The following ADGRB3 variants were observed in gnomAD, a reference collection of about 807,000 sequenced individuals.
ADGRB3 encodes the protein brain-specific angiogenesis inhibitor 3.
Under a neutral mutation model 193.4 loss-of-function variants are expected in ADGRB3, and 37 were observed. The ratio of observed to expected loss-of-function variants is 0.19; its 90% CI spans 0.15 to 0.25. The LOEUF (loss-of-function observed/expected upper bound fraction) is 0.25. ADGRB3 is among the 10% of genes least tolerant of loss of function. The pLI is 1.00. For synonymous variants in ADGRB3, 690 were observed against 644.2 expected (o/e 1.07, Z -1.08); for missense variants, 1,637 against 1,852.9 (o/e 0.88, Z 2.14).
chr6:69,009,362 G>T (rs147632751), intron 11 of ADGRB3, among the ~76,000 whole-genome samples: 1 of 152,070 alleles, frequency 6.6e-6, no homozygotes, highest in Admixed American at 6.6e-5. Flanking sequence ...TGTAAATCTG[G>T]ACATAAAGGA....
chr6:68,913,434 G>C (rs1004538442), intron 3 of ADGRB3, among the ~76,000 whole-genome samples: 1 of 152,196 alleles, frequency 6.6e-6, no homozygotes, highest in Non-Finnish European at 1.5e-5. Context: ...GGCAGACAGG[G>C]TCTGGAGTGG....
intron 31 of ADGRB3, 123 bp downstream of exon 31, chr6:69,383,058 GC>G: frequency 1.9e-6 from 1 of 526,760 alleles, no homozygotes; most frequent in Non-Finnish European, 3.1e-6. Flanking sequence ...AAAAGTATAA[GC>G]CCCCAAAACA....
intron 17 of ADGRB3, among the ~76,000 whole-genome samples, chr6:69,109,753 G>A (rs1773315932): frequency 6.6e-6 from 1 of 152,042 alleles, no homozygotes; most frequent in Non-Finnish European, 1.5e-5. Flanking sequence ...CAATGGAAGC[G>A]GAAAGGGGAT....
At chr6:69,313,374 T>C (rs1184739326) in intron 20 of ADGRB3, among the ~76,000 whole-genome samples, 1 of 151,838 alleles carries the variant, frequency 6.6e-6, no homozygotes, top group Non-Finnish European at 1.5e-5. Flanking sequence ...CACATTGAAA[T>C]AGTTCTGTTA....
At chr6:69,263,173 G>A (rs1468501768) in intron 20 of ADGRB3, among the ~76,000 whole-genome samples, 1 of 151,966 alleles carries the variant, frequency 6.6e-6, no homozygotes. Flanking sequence ...CTGTCTGTAA[G>A]ACAAAGACAT....
intron 23 of ADGRB3, chr6:69,332,542 T>C: frequency 1.0e-6 from 1 of 985,402 alleles, no homozygotes; most frequent in Non-Finnish European, 1.2e-6. Flanking sequence ...TACTCTAAGA[T>C]TCAGAATCTC....
chr6:69,344,437 C>T (rs1769042521), intron 26 of ADGRB3, among the ~76,000 whole-genome samples: 1 of 152,084 alleles, frequency 6.6e-6, no homozygotes, highest in South Asian at 2.1e-4. Flanking sequence ...TTATTATTTC[C>T]ACAAGGCGTA....
chr6:68,832,308 T>C (rs1025156109), intron 3 of ADGRB3, among the ~76,000 whole-genome samples: 1 of 152,142 alleles, frequency 6.6e-6, no homozygotes, highest in Non-Finnish European at 1.5e-5. Context: ...TGTTGATTTG[T>C]CTCTGTTTAT....
intron 11 of ADGRB3, among the ~76,000 whole-genome samples, chr6:69,013,572 C>A (rs1770000792): frequency 6.6e-6 from 1 of 152,086 alleles, no homozygotes; most frequent in African/African-American, 2.4e-5. Flanking sequence ...AAGATTTCAA[C>A]TGAGGGAGCC....
chr6:68,962,672 GA>G (rs1373726127), intron 8 of ADGRB3, among the ~76,000 whole-genome samples: 1 of 151,680 alleles, frequency 6.6e-6, no homozygotes, highest in Admixed American at 6.6e-5. Flanking sequence ...GTTTTTCTGG[GA>G]AAAAATAAAC....
chr6:68,943,787 A>T (rs1487850773), intron 5 of ADGRB3, 43 bp from the exon 6 acceptor site: 1 of 1,482,756 alleles, frequency 6.7e-7, no homozygotes, highest in East Asian at 2.3e-5. Context: ...CTTTGATTTT[A>T]CTGCTCTGCT....
intron 3 of ADGRB3, among the ~76,000 whole-genome samples, chr6:68,671,657 C>G (rs560695217): frequency 6.6e-6 from 1 of 152,050 alleles, no homozygotes; most frequent in Admixed American, 6.6e-5. Context: ...ATTTGATTTG[C>G]TAAGATTTTG....
At chr6:68,776,135 A>G (rs1479537157) in intron 3 of ADGRB3, among the ~76,000 whole-genome samples, 1 of 152,036 alleles carries the variant, frequency 6.6e-6, no homozygotes, top group Admixed American at 6.6e-5. Context: ...TGCTTATCCT[A>G]CTTCCCTAAT....
rs530226693 is a variant in ADGRB3, at chr6:69,230,406, C to T, written c.2481-2884C>T. On this transcript the variant is annotated intron_variant, in intron 17 of 31. Transcript: ENST00000370598. ...ACTTCACATGTTCAGAAATCTTGCC[C>T]TGTGTAGAATGGAGAAGTTGTTTTG... 2.0e-5 allele frequency among the ~76,000 whole-genome samples: 3 copies of T among 152,298 alleles called. No individual in the cohort carries two copies. In the South Asian group the frequency reaches 6.2e-4, roughly 32 times the overall value.
At chr6:69,027,980 T>C (rs1444164606) in intron 13 of ADGRB3, among the ~76,000 whole-genome samples, 1 of 152,198 alleles carries the variant, frequency 6.6e-6, no homozygotes, top group Non-Finnish European at 1.5e-5. Context: ...TTTAAAAATA[T>C]GTTATCCTTC....
chr6:69,034,881 G>A (rs1423959879), intron 13 of ADGRB3, among the ~76,000 whole-genome samples: 2 of 151,904 alleles, frequency 1.3e-5, no homozygotes, highest in African/African-American at 4.8e-5. Flanking sequence ...TGATCATAGA[G>A]TGTGTGTTTG....
At position 69,230,619 on chromosome 6, in the gene ADGRB3, ACT is replaced by A. The variant is rs199755781; in HGVS notation, c.2481-2667_2481-2666del. ...TATGTATGCTAGTGAGTTAAAAAAA[ACT>A]CTCATGAGTTTTATATGATTTAAAA... On this transcript the variant is annotated intron_variant, in intron 17 of 31. Coordinates refer to ENST00000370598, the MANE Select transcript of ADGRB3 (RefSeq NM_001704.3). Among the ~76,000 whole-genome samples, 102 of 152,260 alleles carry A rather than the reference ACT, an allele frequency of 6.7e-4. 1 individual carries two copies. The East Asian group carries it at 0.016, about 24-fold the overall frequency.
intron 3 of ADGRB3, among the ~76,000 whole-genome samples, chr6:68,710,336 C>T (rs1765389203): frequency 6.6e-6 from 1 of 152,104 alleles, no homozygotes; most frequent in Non-Finnish European, 1.5e-5. Context: ...TCCGGCTCAC[C>T]AGGCTCCCAC....
intron 3 of ADGRB3, among the ~76,000 whole-genome samples, chr6:68,920,490 C>G (rs1275648825): frequency 7.1e-6 from 1 of 141,828 alleles, no homozygotes; most frequent in Non-Finnish European, 1.5e-5. Context: ...GCACTCCAGC[C>G]TCGGCGACAG....
Sources: allele counts gnomAD v4.1 joint callset (sites outside exome capture counted in the v4.1 genomes callset), GRCh38; gene constraint gnomAD v4.1.1; transcripts MANE v1.5; gene names NCBI Gene and HGNC (gene_info 2026-07-23, HGNC 2026-07-21).